Variants in SETDB2 observed in about 807,000 individuals in gnomAD.
SETDB2 encodes the protein SET domain bifurcated histone lysine methyltransferase 2.
SETDB2 carries 56 observed loss-of-function variants against 82.5 expected under a neutral mutation model. The ratio of observed to expected loss-of-function variants is 0.68; its 90% CI spans 0.55 to 0.85. The LOEUF is 0.85. Ranked by LOEUF, SETDB2 falls within the 40% of genes least tolerant of loss-of-function variation. The pLI, the probability that SETDB2 is intolerant of heterozygous loss-of-function variation, is 0.00. For synonymous variants in SETDB2, 272 were observed against 284.9 expected (o/e 0.95, Z 0.46); for missense variants, 677 against 816.4 (o/e 0.83, Z 2.08).
intron 4 of SETDB2, among the ~76,000 whole-genome samples, chr13:49,464,699 T>C (rs1445910392): frequency 6.6e-6 from 1 of 152,162 alleles, no homozygotes. Flanking sequence ...TGTTTTTAAG[T>C]AAACAGTTGG....
At chr13:49,486,133 G>A (rs951736261) in intron 11 of SETDB2, among the ~76,000 whole-genome samples, 6 of 152,038 alleles carry the variant, frequency 3.9e-5, no homozygotes, top group African/African-American at 1.4e-4. Flanking sequence ...AATGTAGCAA[G>A]ATCTTGTCTC....
rs996510829 is a variant in SETDB2, at chr13:49,467,842, C to T, written c.209-22C>T. On this transcript the variant is annotated intron_variant, in intron 4 of 13. Transcript: ENST00000611815. ...GGTTTTTAACTTGGTATATTTGTTG[C>T]TCACATTATTTTTTTGTGTAGATCC... is the stretch of plus-strand genomic sequence containing the variant. The T allele has an allele frequency of 5.8e-6, 9 of 1,564,374 alleles. No individual in the cohort carries two copies. The African/African-American group carries it at 1.2e-4, about 21-fold the overall frequency.
intron 6 of SETDB2, among the ~76,000 whole-genome samples, chr13:49,478,335 G>A (rs1958411517): frequency 6.6e-6 from 1 of 152,192 alleles, no homozygotes; most frequent in African/African-American, 2.4e-5. Context: ...ACCTGCACAA[G>A]ACTAGGAACT....
At chr13:49,453,684 A>G (rs1365237075) in intron 2 of SETDB2, among the ~76,000 whole-genome samples, 2 of 151,950 alleles carry the variant, frequency 1.3e-5, no homozygotes, top group Admixed American at 1.3e-4. Flanking sequence ...CCCTTTTGGC[A>G]CTCGAAGATT....
intron 1 of SETDB2, among the ~76,000 whole-genome samples, chr13:49,448,468 C>G (rs1302891620): frequency 6.6e-6 from 1 of 152,156 alleles, no homozygotes; most frequent in Non-Finnish European, 1.5e-5. Context: ...ATCCTTCAGG[C>G]TTTGAAATGT....
chr13:49,484,659 T>C (rs1958557053), intron 10 of SETDB2, among the ~76,000 whole-genome samples: 1 of 152,182 alleles, frequency 6.6e-6, no homozygotes, highest in Admixed American at 6.5e-5. Context: ...CCTCTGAGGG[T>C]ACCCTTTGCA....
intron 2 of SETDB2, among the ~76,000 whole-genome samples, chr13:49,459,499 G>A (rs1035797235): frequency 5.9e-5 from 9 of 152,132 alleles, no homozygotes; most frequent in Non-Finnish European, 1.2e-4. Context: ...AACGCGAAGT[G>A]AGATTTAGCT....
chr13:49,448,175 C>T (rs886831487), intron 1 of SETDB2, among the ~76,000 whole-genome samples: 1 of 152,094 alleles, frequency 6.6e-6, no homozygotes, highest in African/African-American at 2.4e-5. Context: ...ATGTGTGGCA[C>T]ACATCTCTAG....
Position 49,451,820 on chromosome 13 carries a change from G to C in SETDB2, c.-74G>C. On this transcript the variant is annotated 5_prime_UTR_variant, in exon 2 of 14. Coordinates refer to ENST00000611815, the MANE Select transcript of SETDB2 (RefSeq NM_001160308.3). ...TTATAGAGACCACAGTTGGATTCCAGTGATATTCTGCAATCAAAGTGATTT... is the reference window on the plus strand; with the variant it reads ...TTATAGAGACCACAGTTGGATTCCACTGATATTCTGCAATCAAAGTGATTT... 8.2e-7 allele frequency: 1 copy of C among 1,216,954 alleles called. No individual in the cohort carries two copies. The highest frequency in any genetic ancestry group is 1.2e-6 in the Non-Finnish European group (1 of 842,170). 75.4% of individuals were successfully genotyped at this position (1,216,954 alleles called of 1,614,324 possible). A position where few individuals can be genotyped will look rare whatever the true frequency, so the allele number is the denominator to read the frequency against.
intron 4 of SETDB2, among the ~76,000 whole-genome samples, chr13:49,465,509 A>G (rs1002277688): frequency 5.3e-5 from 8 of 152,164 alleles, no homozygotes; most frequent in African/African-American, 1.4e-4. Flanking sequence ...ATAGCTGTGA[A>G]CCAAAAATAA....
chr13:49,490,240 A>G (rs1374038183), intron 12 of SETDB2, among the ~76,000 whole-genome samples: 1 of 132,988 alleles, frequency 7.5e-6, no homozygotes, highest in Non-Finnish European at 1.5e-5. Context: ...GGATCATGCC[A>G]CTGCACTCCA....
At chr13:49,459,948 T>G in intron 2 of SETDB2, 159 bp from the exon 3 acceptor site, 2 of 615,510 alleles carry the variant, frequency 3.2e-6, no homozygotes, top group Middle Eastern at 4.5e-4. Context: ...TAGCTCTTTG[T>G]AAGGAAACAT....
intron 5 of SETDB2, among the ~76,000 whole-genome samples, chr13:49,475,766 T>C (rs1958343183): frequency 6.6e-6 from 1 of 151,970 alleles, no homozygotes; most frequent in Non-Finnish European, 1.5e-5. Flanking sequence ...GGGATTACAG[T>C]TGTGAGCCAT....
chr13:49,446,687 G>A (rs1285865277), intron 1 of SETDB2, among the ~76,000 whole-genome samples: 1 of 152,078 alleles, frequency 6.6e-6, no homozygotes, highest in African/African-American at 2.4e-5. Flanking sequence ...GAATTGATCT[G>A]TTAATATAAA....
At chr13:49,482,208 C>T in intron 8 of SETDB2, 1 of 985,350 alleles carries the variant, frequency 1.0e-6, no homozygotes, top group Non-Finnish European at 1.2e-6. Flanking sequence ...TAAGAATATC[C>T]TGCTATTAAT....
At chr13:49,470,967 T>TTTC (rs66514267) in intron 5 of SETDB2, among the ~76,000 whole-genome samples, 4 of 972 alleles carry the variant, frequency 4.1e-3, no homozygotes, top group Non-Finnish European at 0.014. Flanking sequence ...TCTTTCTTTC[T>TTTC]TTTTTTTTTT....
At chr13:49,484,166 A>C (rs1958544895) in intron 10 of SETDB2, among the ~76,000 whole-genome samples, 1 of 152,172 alleles carries the variant, frequency 6.6e-6, no homozygotes, top group African/African-American at 2.4e-5. Context: ...GAGGTATCCC[A>C]TTCTGAGAGT....
At chr13:49,478,853 GGAGGTC>G (rs920745168) in intron 6 of SETDB2, among the ~76,000 whole-genome samples, 2 of 152,126 alleles carry the variant, frequency 1.3e-5, no homozygotes, top group African/African-American at 4.8e-5. Context: ...CTGAGTGCAG[GGAGGTC>G]GAGGCTGCAG....
intron 6 of SETDB2, among the ~76,000 whole-genome samples, chr13:49,479,525 A>C (rs949316998): frequency 6.6e-6 from 1 of 152,162 alleles, no homozygotes; most frequent in Non-Finnish European, 1.5e-5. Flanking sequence ...ACAGAAGAGA[A>C]TCATAGAGGA....
Sources: allele counts gnomAD v4.1 joint callset (sites outside exome capture counted in the v4.1 genomes callset), GRCh38; gene constraint gnomAD v4.1.1; transcripts MANE v1.5; gene names NCBI Gene and HGNC (gene_info 2026-07-23, HGNC 2026-07-21).